The following SCAMP1 variants were observed in gnomAD, a reference collection of about 807,000 sequenced individuals.
SCAMP1 encodes secretory carrier-associated membrane protein 1.
SCAMP1 carries 15 observed loss-of-function variants against 41.8 expected under a neutral mutation model. The observed-to-expected ratio is 0.36, with a 90% confidence interval of 0.24 to 0.55. The LOEUF (loss-of-function observed/expected upper bound fraction) is 0.55. SCAMP1 is among the 20% of genes least tolerant of loss of function. The probability of loss-of-function intolerance (pLI) is 0.86; values close to 1 mark genes in which losing one functional copy is unlikely to be tolerated. For synonymous variants in SCAMP1, 135 were observed against 136.8 expected (o/e 0.99, Z 0.09); for missense variants, 341 against 412.6 (o/e 0.83, Z 1.50).
At chr5:78,469,720 A>G (rs1204547963) in intron 8 of SCAMP1, among the ~76,000 whole-genome samples, 2 of 151,432 alleles carry the variant, frequency 1.3e-5, no homozygotes, top group Admixed American at 6.6e-5. Context: ...TTCACATACA[A>G]TTCACCCATT....
At chr5:78,382,490 T>C (rs1751227806) in intron 1 of SCAMP1, among the ~76,000 whole-genome samples, 1 of 152,116 alleles carries the variant, frequency 6.6e-6, no homozygotes, top group Non-Finnish European at 1.5e-5. Context: ...TTCTCACTGG[T>C]GATTTCTGAG....
chr5:78,437,247 AT>A (rs1335959970), intron 6 of SCAMP1, among the ~76,000 whole-genome samples: 2 of 152,206 alleles, frequency 1.3e-5, no homozygotes, highest in Non-Finnish European at 2.9e-5. Context: ...TTCCAACACT[AT>A]GTTGAATAGG....
At chr5:78,381,816 T>C (rs1751211809) in intron 1 of SCAMP1, among the ~76,000 whole-genome samples, 2 of 152,222 alleles carry the variant, frequency 1.3e-5, no homozygotes, top group Admixed American at 1.3e-4. Flanking sequence ...ATGTTTCTCA[T>C]ATGAATTTAT....
At chr5:78,459,030 G>A (rs948150303) in intron 7 of SCAMP1, among the ~76,000 whole-genome samples, 1 of 152,172 alleles carries the variant, frequency 6.6e-6, no homozygotes, top group African/African-American at 2.4e-5. Flanking sequence ...GTGACCTCGG[G>A]CAGATTACTG....
chr5:78,425,799 T>C (rs1752454261), intron 6 of SCAMP1, among the ~76,000 whole-genome samples: 1 of 152,204 alleles, frequency 6.6e-6, no homozygotes, highest in Non-Finnish European at 1.5e-5. Context: ...TTTATTTTAC[T>C]TTAAGTTTTG....
In SCAMP1 at chr5:78,478,159, T is replaced by A. The variant is rs1179456583; in HGVS notation, c.*2491T>A. ...TACTGCGCTGCCATCATGGTGACTG[T>A]CATGGTTCTACAGAAATGCCCTCCA... On this transcript the variant is annotated 3_prime_UTR_variant, in exon 9 of 9. Transcript: ENST00000621999. 1 of 152,620 alleles carries A rather than the reference T, an allele frequency of 6.6e-6. No individual in the cohort carries two copies. The highest frequency in any genetic ancestry group is 1.5e-5 in the Non-Finnish European group (1 of 67,998). 9.5% of individuals were successfully genotyped at this position (152,620 alleles called of 1,614,324 possible). A position where few individuals can be genotyped will look rare whatever the true frequency, so the allele number is the denominator to read the frequency against.
chr5:78,442,609 A>G (rs543512560), intron 6 of SCAMP1, among the ~76,000 whole-genome samples: 1 of 152,242 alleles, frequency 6.6e-6, no homozygotes, highest in South Asian at 2.1e-4. Context: ...GAAACAGTCC[A>G]TTTGTGACCT....
At chr5:78,395,005 C>T (rs1257696956) in intron 2 of SCAMP1, among the ~76,000 whole-genome samples, 6 of 152,146 alleles carry the variant, frequency 3.9e-5, no homozygotes, top group Non-Finnish European at 8.8e-5. Context: ...TTCCAGCCTT[C>T]CTCTTCAAAT....
intron 7 of SCAMP1, among the ~76,000 whole-genome samples, chr5:78,451,550 G>T (rs900881559): frequency 6.6e-6 from 1 of 152,204 alleles, no homozygotes; most frequent in Non-Finnish European, 1.5e-5. Flanking sequence ...GAAGGTTATA[G>T]ATGTGGAATC....
intron 6 of SCAMP1, among the ~76,000 whole-genome samples, chr5:78,423,542 C>G (rs576923563): frequency 1.3e-5 from 2 of 152,144 alleles, no homozygotes; most frequent in East Asian, 3.9e-4. Context: ...GTGAGGATAT[C>G]TTTATGAAAC....
At chr5:78,423,006 ACGCG>A (rs750021109) in intron 6 of SCAMP1, among the ~76,000 whole-genome samples, 29 of 45,088 alleles carry the variant, frequency 6.4e-4, no homozygotes, top group African/African-American at 2.0e-3. Context: ...TGTGTAACAC[ACGCG>A]CGCGCGCACA....
chr5:78,376,171 T>A (rs1751059903), intron 1 of SCAMP1, among the ~76,000 whole-genome samples: 1 of 152,140 alleles, frequency 6.6e-6, no homozygotes, highest in African/African-American at 2.4e-5. Flanking sequence ...CTCTTTATAC[T>A]GTCTCTCTTT....
rs200033999 is a variant in SCAMP1, at chr5:78,462,947, A to AT, written c.852+3593dup. Among the ~76,000 whole-genome samples the AT allele has an allele frequency of 3.3e-3, 502 of 152,106 alleles. 2 individuals are homozygous for AT. The highest frequency in any genetic ancestry group is 5.2e-3 in the Non-Finnish European group (353 of 67,974). On this transcript the variant is annotated intron_variant, in intron 8 of 8. Coordinates refer to ENST00000621999, the MANE Select transcript of SCAMP1 (RefSeq NM_004866.6). ...ACTTTAAAGAAAATAAGTCCTTATA[A>AT]TTTTTTTTACCATTTCATTACTTGA...
At chr5:78,373,744 G>A (rs1207042135) in intron 1 of SCAMP1, among the ~76,000 whole-genome samples, 1 of 152,122 alleles carries the variant, frequency 6.6e-6, no homozygotes, top group Non-Finnish European at 1.5e-5. Context: ...TAGCAGGACT[G>A]CCTTTACCTC....
At position 78,471,302 on chromosome 5, in the gene SCAMP1, C is replaced by T. The variant is rs534791831; in HGVS notation, c.853-4202C>T. 9.9e-5 allele frequency among the ~76,000 whole-genome samples: 15 copies of T among 152,138 alleles called. No homozygotes were observed. In the South Asian group the frequency reaches 1.5e-3, roughly 15 times the overall value. The stretch of plus-strand genomic sequence containing the variant: ...AGTGCTTAAAGGGTGCGTGAGATTT[C>T]GACATGGTGAAACTAGACTGGCAAT... On this transcript the variant is annotated intron_variant, in intron 8 of 8. Transcript: ENST00000621999.
At chr5:78,441,234 T>C (rs1752915034) in intron 6 of SCAMP1, among the ~76,000 whole-genome samples, 1 of 152,196 alleles carries the variant, frequency 6.6e-6, no homozygotes. Context: ...CCCAGTGAGA[T>C]GAACCAGGTA....
At chr5:78,384,022 A>G (rs1751277077) in intron 1 of SCAMP1, among the ~76,000 whole-genome samples, 1 of 152,140 alleles carries the variant, frequency 6.6e-6, no homozygotes, top group Non-Finnish European at 1.5e-5. Context: ...TGCTTTTGGC[A>G]GTATGGTCAT....
intron 7 of SCAMP1, chr5:78,457,654 C>G (rs1753454680): frequency 6.5e-6 from 1 of 154,090 alleles, no homozygotes; most frequent in South Asian, 2.1e-4. Context: ...CTGTGCCCTG[C>G]CCCCAGAGGT....
At chr5:78,395,689 A>T (rs1751633166) in intron 2 of SCAMP1, among the ~76,000 whole-genome samples, 1 of 152,166 alleles carries the variant, frequency 6.6e-6, no homozygotes, top group Non-Finnish European at 1.5e-5. Flanking sequence ...TTTGCTGGCT[A>T]TCAGCTGGAG....
Sources: allele counts gnomAD v4.1 joint callset (sites outside exome capture counted in the v4.1 genomes callset), GRCh38; gene constraint gnomAD v4.1.1; transcripts MANE v1.5; gene names NCBI Gene and HGNC (gene_info 2026-07-23, HGNC 2026-07-21).